The following VPS37A variants were observed in gnomAD, a reference collection of about 807,000 sequenced individuals.
VPS37A encodes the protein vacuolar protein sorting-associated protein 37A.
A neutral mutation model predicts 49.8 loss-of-function variants in VPS37A; 30 were observed. That is an observed-to-expected ratio of 0.60 (90% CI 0.45 to 0.82). VPS37A has a LOEUF of 0.82. VPS37A is among the 40% of genes least tolerant of loss of function. VPS37A has a pLI of 0.00. For missense variants in VPS37A, 593 were observed against 464.4 expected (o/e 1.28, Z -2.55); for synonymous variants, 195 against 160.6 (o/e 1.21, Z -1.62).
At chr8:17,294,292 C>A (rs1382034465) in intron 11 of VPS37A, among the ~76,000 whole-genome samples, 1 of 152,096 alleles carries the variant, frequency 6.6e-6, no homozygotes, top group Non-Finnish European at 1.5e-5. Flanking sequence ...TAATGGTGGA[C>A]GCCCCTCCCC....
At chr8:17,330,687 T>G in the VPS37A span, among the ~76,000 whole-genome samples, 1 of 152,320 alleles carries the variant, frequency 6.6e-6, no homozygotes, top group South Asian at 2.1e-4. Flanking sequence ...GTTACATGCA[T>G]GTGTATTGTG....
intron 1 of VPS37A, among the ~76,000 whole-genome samples, chr8:17,252,290 T>C (rs950700632): frequency 2.0e-5 from 3 of 152,198 alleles, no homozygotes; most frequent in African/African-American, 7.2e-5. Context: ...TAGCTGGAAC[T>C]ACAGGCACAT....
At chr8:17,268,632 G>T (rs952869437) in intron 3 of VPS37A, among the ~76,000 whole-genome samples, 1 of 151,926 alleles carries the variant, frequency 6.6e-6, no homozygotes, top group Non-Finnish European at 1.5e-5. Context: ...AAATATTTTG[G>T]CTCCATTTTT....
Position 17,297,449 on chromosome 8 carries a change from C to G in VPS37A, c.*2463C>G, listed in dbSNP as rs1317196944. The G allele has an allele frequency of 6.7e-6, 1 of 149,852 alleles. No individual in the cohort carries two copies. The highest frequency in any genetic ancestry group is 1.5e-5 in the Non-Finnish European group (1 of 66,468). The allele number at this position is 149,852 out of a possible 1,614,324, so 9.3% of individuals were successfully genotyped here. ...TAGGAGAAGAAAGTAAACTAATGTG[C>G]TCTTAAAGAATAAAAATTTATTCTA... On this transcript the variant is annotated 3_prime_UTR_variant, in exon 12 of 12. Coordinates refer to ENST00000324849, the MANE Select transcript of VPS37A (RefSeq NM_152415.3).
chr8:17,323,797 C>T, the VPS37A span, among the ~76,000 whole-genome samples: 48 of 152,272 alleles, frequency 3.2e-4, no homozygotes, highest in Admixed American at 1.9e-3. Context: ...CTCCTTTTAT[C>T]ACTAACATTA....
At chr8:17,254,908 T>C (rs1812301241) in intron 1 of VPS37A, among the ~76,000 whole-genome samples, 2 of 152,202 alleles carry the variant, frequency 1.3e-5, no homozygotes, top group South Asian at 4.1e-4. Flanking sequence ...CTGTTCTCCA[T>C]CTATTCTAAG....
the VPS37A span, among the ~76,000 whole-genome samples, chr8:17,322,250 G>C: frequency 6.6e-6 from 1 of 152,208 alleles, no homozygotes; most frequent in African/African-American, 2.4e-5. Flanking sequence ...ACCAGGTGAA[G>C]CCATTCAAAG....
chr8:17,306,537 C>T (rs937161184), downstream of VPS37A, among the ~76,000 whole-genome samples: 5 of 152,206 alleles, frequency 3.3e-5, no homozygotes, highest in African/African-American at 4.8e-5. Flanking sequence ...TTCAAGAGCA[C>T]ATCAGACTCG....
the VPS37A span, chr8:17,311,755 G>A: frequency 1.2e-5 from 18 of 1,479,014 alleles, no homozygotes; most frequent in Non-Finnish European, 1.7e-5. Flanking sequence ...CGAAACACCT[G>A]TCCATTCGTC....
Position 17,284,509 on chromosome 8 carries a change from G to A in VPS37A, c.1006G>A (p.Val336Ile). The A allele has an allele frequency of 6.3e-7, 1 of 1,597,132 alleles. No individual in the cohort carries two copies. The change falls in exon 10 of 12, where the codon GTA becomes ATA. Residue 336 changes from valine to isoleucine, a missense_variant. Physicochemically the swap from Val to Ile is conservative, Grantham distance 29. Transcript: ENST00000324849. The part of the protein sequence containing the change: ...SASALQARLK[V>I]AAHEAEEESD... ...AAGTGCCCTTCAGGCAAGATTGAAA[G>A]TAGCTGCACATGAAGCTGAGGAAGA...
At chr8:17,329,439 T>G in the VPS37A span, among the ~76,000 whole-genome samples, 1 of 152,180 alleles carries the variant, frequency 6.6e-6, no homozygotes, top group Non-Finnish European at 1.5e-5. Context: ...CTCCAGAACT[T>G]GGTCAGTTTG....
At chr8:17,262,440 C>T (rs113371448) in intron 1 of VPS37A, among the ~76,000 whole-genome samples, 1,581 of 152,052 alleles carry the variant, frequency 0.01, 11 homozygotes, top group South Asian at 0.015. Context: ...TTTATTTAGC[C>T]CCAACAAATT....
chr8:17,255,813 T>C (rs1252047357), intron 1 of VPS37A, among the ~76,000 whole-genome samples: 1 of 152,248 alleles, frequency 6.6e-6, no homozygotes, highest in Non-Finnish European at 1.5e-5. Flanking sequence ...GTTTGGTTTA[T>C]GTCACTTAAC....
At chr8:17,325,624 C>A in the VPS37A span, among the ~76,000 whole-genome samples, 1 of 152,198 alleles carries the variant, frequency 6.6e-6, no homozygotes, top group Non-Finnish European at 1.5e-5. Context: ...GGCTCACTTC[C>A]CCTGCTCCAC....
intron 4 of VPS37A, chr8:17,272,014 C>T (rs1057443173): frequency 2.0e-5 from 9 of 456,612 alleles, no homozygotes; most frequent in Admixed American, 1.2e-4. Flanking sequence ...TCAGGTGGCA[C>T]CATCCGCACT....
chr8:17,247,665 G>A (rs572664761), intron 1 of VPS37A: 2 of 703,676 alleles, frequency 2.8e-6, no homozygotes, highest in Non-Finnish European at 5.2e-6. Flanking sequence ...TCTATTTCCA[G>A]TATCCCTTGC....
chr8:17,272,681 T>G (rs1814104478), intron 4 of VPS37A, among the ~76,000 whole-genome samples: 1 of 152,212 alleles, frequency 6.6e-6, no homozygotes, highest in Non-Finnish European at 1.5e-5. Context: ...TCTAAATAGC[T>G]TGTTATATTC....
In VPS37A at chr8:17,247,134, G is replaced by C; in HGVS notation, c.-111G>C. ...GAGAAGACGCGGTCCCCAGCGCTTG[G>C]GCCACGGACGTCCCACCCCGCTCCT... On this transcript the variant is annotated 5_prime_UTR_variant, in exon 1 of 12. Coordinates refer to ENST00000324849, the MANE Select transcript of VPS37A (RefSeq NM_152415.3). The C allele has an allele frequency of 6.9e-7, 1 of 1,449,170 alleles. No individual in the cohort carries two copies. The highest frequency in any genetic ancestry group is 9.4e-7 in the Non-Finnish European group (1 of 1,068,374). The allele number at this position is 1,449,170 out of a possible 1,614,324, so 89.8% of individuals were successfully genotyped here.
chr8:17,252,873 A>G lies in VPS37A; in HGVS notation c.125+5504A>G, dbSNP rs547757271. Among the ~76,000 whole-genome samples the G allele has an allele frequency of 1.7e-4, 26 of 152,360 alleles. No individual in the cohort carries two copies. The South Asian group carries it at 5.2e-3, about 30-fold the overall frequency. On this transcript the variant is annotated intron_variant, in intron 1 of 11. Transcript: ENST00000324849. ...TTGAAGCTACAGAAATCTCCAAAAT[A>G]TCAACATTTTGACTGTGTAAATGCA...
Sources: allele counts gnomAD v4.1 joint callset (sites outside exome capture counted in the v4.1 genomes callset), GRCh38; gene constraint gnomAD v4.1.1; transcripts MANE v1.5; gene names NCBI Gene and HGNC (gene_info 2026-07-23, HGNC 2026-07-21).